RGS22: variants seen among roughly 807,000 people sequenced by gnomAD.
RGS22 encodes the protein regulator of G-protein signaling 22.
In RGS22, 148 loss-of-function variants were observed where a neutral mutation model predicts 172.9. That is an observed-to-expected ratio of 0.86 (90% CI 0.75 to 0.98). The LOEUF (loss-of-function observed/expected upper bound fraction) is 0.98. RGS22 is among the 50% of genes least tolerant of loss of function. The pLI, the probability that RGS22 is intolerant of heterozygous loss-of-function variation, is 0.00. For missense variants in RGS22, 1,347 were observed against 1,440.8 expected, an observed-to-expected ratio of 0.93 and a Z score of 1.05; for synonymous variants, 458 against 480.2, an observed-to-expected ratio of 0.95 and a Z score of 0.60.
intron 20 of RGS22, among the ~76,000 whole-genome samples, chr8:99,990,252 A>G (rs1202471181): frequency 2.0e-5 from 3 of 152,184 alleles, no homozygotes; most frequent in Admixed American, 2.0e-4. Context: ...AGCCTGGGCA[A>G]CAGAGCAAGA....
intron 14 of RGS22, among the ~76,000 whole-genome samples, chr8:100,009,462 T>C (rs1588965766): frequency 2.7e-5 from 4 of 148,488 alleles, no homozygotes; most frequent in African/African-American, 9.9e-5. Flanking sequence ...TGGAAAGATA[T>C]ACATAGAACC....
At chr8:100,100,261 C>T (rs1435448677) in intron 2 of RGS22, among the ~76,000 whole-genome samples, 2 of 151,408 alleles carry the variant, frequency 1.3e-5, no homozygotes, top group African/African-American at 4.8e-5. Context: ...GGTTGTTATC[C>T]TATATTTTTA....
At chr8:99,997,032 A>AG (rs1676246214) in intron 19 of RGS22, among the ~76,000 whole-genome samples, 1 of 152,198 alleles carries the variant, frequency 6.6e-6, no homozygotes, top group Admixed American at 6.5e-5. Context: ...ATCCAGAAGC[A>AG]GATCTAGAGA....
chr8:100,013,002 T>C (rs1816562978), intron 14 of RGS22, among the ~76,000 whole-genome samples: 2 of 131,958 alleles, frequency 1.5e-5, no homozygotes, highest in South Asian at 5.1e-4. Flanking sequence ...TTTTTTTTTT[T>C]TGAGACGGAG....
chr8:100,014,201 A>G (rs187888897), intron 14 of RGS22, among the ~76,000 whole-genome samples: 39 of 152,326 alleles, frequency 2.6e-4, no homozygotes, highest in Middle Eastern at 3.4e-3. Flanking sequence ...TAAGCCATTC[A>G]GGTGTGCTCG....
intron 21 of RGS22, among the ~76,000 whole-genome samples, chr8:99,984,771 T>C (rs1812898663): frequency 6.7e-6 from 1 of 149,230 alleles, no homozygotes; most frequent in Non-Finnish European, 1.5e-5. Context: ...GATAAATAAA[T>C]CCTTCCAGTC....
Position 100,004,008 on chromosome 8 carries a change from T to C in RGS22, c.2545A>G (p.Lys849Glu). ...EYWDNVPAEY[K>E]HFKFSDLLNN... ...AGCAGATCACTAAACTTAAAATGCT[T>C]GTATTCTGCAGGAACATTATCCCAA... The change falls in exon 17 of 28, where the codon AAG becomes GAG. Residue 849 changes from lysine to glutamate, a missense_variant. Physicochemically the swap from Lys to Glu is moderately conservative, Grantham distance 56. Coordinates refer to ENST00000360863, the MANE Select transcript of RGS22 (RefSeq NM_015668.5). The C allele has an allele frequency of 6.2e-7, 1 of 1,612,622 alleles. No individual in the cohort carries two copies. Among genetic ancestry groups the C allele is most frequent in the Non-Finnish European group, 8.5e-7 (1 of 1,179,156 alleles).
chr8:100,044,642 T>G (rs1218890426), intron 11 of RGS22, among the ~76,000 whole-genome samples: 1 of 151,276 alleles, frequency 6.6e-6, no homozygotes, highest in Non-Finnish European at 1.5e-5. Context: ...TTTTTTTTTT[T>G]CGGATTATCT....
In RGS22 at chr8:100,062,588, T is replaced by C; in HGVS notation, c.1514+3A>G. ...AGTAAGTAACTGATTCATGTTTTCT[T>C]ACCAATACAGAAGTAAAGGTTTTAA... On this transcript the variant is annotated splice_donor_region_variant and intron_variant, in intron 9 of 27. Coordinates refer to ENST00000360863, the MANE Select transcript of RGS22 (RefSeq NM_015668.5). The C allele has an allele frequency of 6.4e-7, 1 of 1,574,362 alleles. No homozygotes were observed. Among genetic ancestry groups the C allele is most frequent in the Non-Finnish European group, 8.7e-7 (1 of 1,151,640 alleles).
rs750960190 is a variant in RGS22 at position 100,080,385 on chromosome 8, AT to A, written c.118-31del. The A allele has an allele frequency of 7.9e-6, 12 of 1,516,136 alleles. No homozygotes were observed. The South Asian group carries it at 1.4e-4, about 18-fold the overall frequency. The allele number at this position is 1,516,136 out of a possible 1,614,324, so 93.9% of individuals were successfully genotyped here. ...AATATAAATTTGTGGAAATTAAAACATTTTTTAAACCTGGAAACTCATGGTC... is the reference window on the plus strand; with the variant it reads ...AATATAAATTTGTGGAAATTAAAACATTTTTAAACCTGGAAACTCATGGTC... On this transcript the variant is annotated intron_variant, in intron 3 of 27. Coordinates refer to ENST00000360863, the MANE Select transcript of RGS22 (RefSeq NM_015668.5).
rs1001500589 is a variant in RGS22, at chr8:99,999,251, A to G, written c.2949+11T>C. ...ACAACTGCTATCAAAAGATTATACT[A>G]ATTTATATACCTTTATCTTCTGACG... is the stretch of plus-strand genomic sequence containing the variant. On this transcript the variant is annotated intron_variant, in intron 19 of 27. Coordinates refer to ENST00000360863, the MANE Select transcript of RGS22 (RefSeq NM_015668.5). The G allele has an allele frequency of 6.2e-7, 1 of 1,611,032 alleles. No individual in the cohort carries two copies. The highest frequency in any genetic ancestry group is 2.2e-5 in the East Asian group (1 of 44,754).
At chr8:99,980,837 A>C (rs777387963) in intron 22 of RGS22, among the ~76,000 whole-genome samples, 1 of 152,182 alleles carries the variant, frequency 6.6e-6, no homozygotes, top group Non-Finnish European at 1.5e-5. Flanking sequence ...TGGTTACTAG[A>C]AAACCCAGGC....
chr8:100,055,740 A>G (rs1369447221), intron 9 of RGS22, among the ~76,000 whole-genome samples: 1 of 152,166 alleles, frequency 6.6e-6, no homozygotes, highest in Admixed American at 6.6e-5. Flanking sequence ...GCTGCCATGT[A>G]AGATATCCCT....
intron 3 of RGS22, among the ~76,000 whole-genome samples, chr8:100,084,977 T>C (rs1586248082): frequency 6.6e-6 from 1 of 152,192 alleles, no homozygotes; most frequent in African/African-American, 2.4e-5. Flanking sequence ...TTATGTCTGG[T>C]CTGGTTATCA....
chr8:100,028,511 G>A (rs1450748988), intron 14 of RGS22, among the ~76,000 whole-genome samples: 1 of 149,132 alleles, frequency 6.7e-6, no homozygotes, highest in Non-Finnish European at 1.5e-5. Flanking sequence ...TAGCCTCTTT[G>A]TAAAAGAAAG....
intron 6 of RGS22, among the ~76,000 whole-genome samples, chr8:100,068,457 C>T (rs1327810688): frequency 2.0e-5 from 3 of 152,092 alleles, no homozygotes; most frequent in Admixed American, 1.3e-4. Context: ...GTTTTTTAAT[C>T]TCAGAAAATA....
rs1810616221 is a variant in RGS22 at position 99,965,350 on chromosome 8, T to C, written c.3600A>G (p.Gln1200=). The change falls in exon 24 of 28, where the codon CAA becomes CAG. Residue 1200 remains glutamine, a synonymous_variant. Transcript: ENST00000360863. ...ALLSDSFLGL[Q]PYGRQPTWCY... ...GCATGCTTACCTGTCGGCCATATGG[T>C]TGGAGGCCTAGGAAGGAATCACTGA... 1.2e-6 allele frequency: 2 copies of C among 1,612,904 alleles called. No individual in the cohort carries two copies. Among genetic ancestry groups the C allele is most frequent in the Non-Finnish European group, 1.7e-6 (2 of 1,179,196 alleles).
chr8:99,976,841 T>C (rs1462649621), intron 23 of RGS22, among the ~76,000 whole-genome samples: 4 of 152,240 alleles, frequency 2.6e-5, no homozygotes, highest in African/African-American at 4.8e-5. Context: ...TATTTTGGCC[T>C]GCACAAATAA....
At chr8:100,091,198 C>T (rs367999980) in intron 3 of RGS22, among the ~76,000 whole-genome samples, 4 of 151,628 alleles carry the variant, frequency 2.6e-5, no homozygotes, top group East Asian at 1.9e-4. Context: ...TTTGAAAACC[C>T]GCGACAACAT....
Sources: gnomAD v4.1 joint callset for allele counts (sites outside exome capture counted in the v4.1 genomes callset) on GRCh38, gnomAD v4.1.1 for gene constraint, MANE v1.5 for transcripts, NCBI Gene and HGNC (gene_info 2026-07-23, HGNC 2026-07-21) for gene names.